Variants in SPTBN1 observed in about 807,000 individuals in gnomAD.
SPTBN1 encodes spectrin beta chain, non-erythrocytic 1.
In SPTBN1, 32 loss-of-function variants were observed where a neutral mutation model predicts 266.4. That is an observed-to-expected ratio of 0.12 (90% CI 0.09 to 0.16). The LOEUF (loss-of-function observed/expected upper bound fraction) is 0.16, where lower values mean the gene tolerates loss of function less well. Among genes scored for constraint, SPTBN1 ranks in the 10% least tolerant of loss-of-function variants. SPTBN1 has a pLI of 1.00. For synonymous variants in SPTBN1, 1,336 were observed against 1,162.2 expected (o/e 1.15, Z -3.04); for missense variants, 2,296 against 3,067.1 (o/e 0.75, Z 5.94).
chr2:54,594,337 A>T (rs972687280), intron 2 of SPTBN1, among the ~76,000 whole-genome samples: 2 of 152,224 alleles, frequency 1.3e-5, no homozygotes, highest in Non-Finnish European at 2.9e-5. Context: ...TGAAAAAAAA[A>T]TTAACAATAC....
intron 1 of SPTBN1, among the ~76,000 whole-genome samples, chr2:54,503,214 G>C (rs1391889570): frequency 6.6e-6 from 1 of 152,208 alleles, no homozygotes; most frequent in Non-Finnish European, 1.5e-5. Context: ...ATTATGCTCA[G>C]CTTTTTTGCA....
At chr2:54,530,810 G>A (rs951726363) in intron 2 of SPTBN1, among the ~76,000 whole-genome samples, 5 of 152,164 alleles carry the variant, frequency 3.3e-5, no homozygotes, top group African/African-American at 4.8e-5. Context: ...GGAGTCTGCC[G>A]AGTGATGGGA....
chr2:54,522,697 G>GAGAGAGAGAGAGAGAAGAGAAAGAA (rs1553439438), intron 1 of SPTBN1, among the ~76,000 whole-genome samples: 1 of 97,270 alleles, frequency 1.0e-5, no homozygotes, highest in Non-Finnish European at 2.1e-5. Flanking sequence ...GAGAGAGAGA[G>GAGAGAGAGAGAGAGAAGAGAAAGAA]AGAAAGAAAG....
chr2:54,624,676 G>C, intron 10 of SPTBN1, 128 bp from the exon 11 acceptor site: 1 of 1,378,586 alleles, frequency 7.3e-7, no homozygotes, highest in South Asian at 1.4e-5. Context: ...GTGAGAGTGG[G>C]AATGGGATTT....
At chr2:54,502,674 A>G (rs1298901298) in intron 1 of SPTBN1, among the ~76,000 whole-genome samples, 3 of 152,102 alleles carry the variant, frequency 2.0e-5, no homozygotes, top group Admixed American at 2.0e-4. Context: ...CCAAGGGCAA[A>G]CTCTGGCTTT....
intron 10 of SPTBN1, among the ~76,000 whole-genome samples, chr2:54,624,051 C>G (rs1678167069): frequency 6.6e-6 from 1 of 152,240 alleles, no homozygotes; most frequent in African/African-American, 2.4e-5. Context: ...TAGAAATTCA[C>G]AGCAGGCATT....
At chr2:54,621,115 A>G (rs963705083) in intron 7 of SPTBN1, among the ~76,000 whole-genome samples, 3 of 152,218 alleles carry the variant, frequency 2.0e-5, no homozygotes, top group Non-Finnish European at 4.4e-5. Context: ...GTAGGCAGCA[A>G]TGAGGACTCA....
At chr2:54,641,128 G>C (rs1679521527) in intron 18 of SPTBN1, among the ~76,000 whole-genome samples, 1 of 152,194 alleles carries the variant, frequency 6.6e-6, no homozygotes, top group South Asian at 2.1e-4. Context: ...AATGACCTTT[G>C]TAAATGCCCA....
chr2:54,467,881 A>G (rs1039861384), intron 1 of SPTBN1, among the ~76,000 whole-genome samples: 9 of 152,192 alleles, frequency 5.9e-5, no homozygotes, highest in African/African-American at 1.9e-4. Flanking sequence ...ACAAAATACA[A>G]AAGTATTTTT....
At chr2:54,534,041 T>A (rs1225507148) in intron 2 of SPTBN1, among the ~76,000 whole-genome samples, 1 of 152,230 alleles carries the variant, frequency 6.6e-6, no homozygotes, top group Non-Finnish European at 1.5e-5. Flanking sequence ...TCGTCGTGGC[T>A]GCTTCATTTT....
At chr2:54,588,564 C>G (rs1196490213) in intron 2 of SPTBN1, among the ~76,000 whole-genome samples, 1 of 152,168 alleles carries the variant, frequency 6.6e-6, no homozygotes, top group East Asian at 1.9e-4. Flanking sequence ...CAAAACCAGT[C>G]TGTGCCTCAG....
chr2:54,649,698 A>C lies in SPTBN1; in HGVS notation c.5286A>C (p.Ala1762=), dbSNP rs1423211357. ...QERVDTVNHL[A]DELINSGHSD... Reference sequence around the variant, plus strand: ...GCGTGGACACGGTCAATCACCTGGCAGATGAGCTCATCAACTCTGGACATT... The same window carrying C: ...GCGTGGACACGGTCAATCACCTGGCCGATGAGCTCATCAACTCTGGACATT... The change falls in exon 26 of 36, where the codon GCA becomes GCC. Residue 1762 remains alanine, a synonymous_variant. Coordinates refer to ENST00000356805, the MANE Select transcript of SPTBN1 (RefSeq NM_003128.3). The surrounding 1 kb of genome is among the most constrained non-coding windows in gnomAD (Gnocchi z 6.7). The C allele has an allele frequency of 1.9e-6, 3 of 1,614,072 alleles. No individual in the cohort carries two copies. The highest frequency in any genetic ancestry group is 2.5e-6 in the Non-Finnish European group (3 of 1,180,038).
intron 5 of SPTBN1, 29 bp from the exon 6 acceptor site, chr2:54,617,579 G>A: frequency 6.2e-7 from 1 of 1,610,490 alleles, no homozygotes. Context: ...TAATTGTGTT[G>A]CTTTTCCCTT....
intron 1 of SPTBN1, among the ~76,000 whole-genome samples, chr2:54,481,415 T>A (rs1000430585): frequency 3.3e-5 from 5 of 150,898 alleles, no homozygotes; most frequent in African/African-American, 1.2e-4. Flanking sequence ...TGTGTGTGTG[T>A]GTGTGTGTGT....
chr2:54,507,879 G>A (rs1245824904), intron 1 of SPTBN1, among the ~76,000 whole-genome samples: 2 of 150,144 alleles, frequency 1.3e-5, no homozygotes, highest in African/African-American at 2.5e-5. Flanking sequence ...GCAATTGTTT[G>A]TTAAAGAAGG....
Position 54,669,135 on chromosome 2 carries a change from C to G in SPTBN1, c.*566C>G. The G allele has an allele frequency of 6.5e-6, 1 of 153,388 alleles. No individual in the cohort carries two copies. The highest frequency in any genetic ancestry group is 1.9e-4 in the East Asian group (1 of 5,186). The allele number at this position is 153,388 out of a possible 1,614,324, so 9.5% of individuals were successfully genotyped here. On this transcript the variant is annotated 3_prime_UTR_variant, in exon 36 of 36. Transcript: ENST00000356805. ...ATTTGTATCTGGCATCACTTACTAA[C>G]ACACGACATGCGGCTTTTCTGCATC... is the stretch of plus-strand genomic sequence containing the variant.
chr2:54,615,857 C>T (rs919670045), intron 4 of SPTBN1, among the ~76,000 whole-genome samples: 37 of 152,186 alleles, frequency 2.4e-4, no homozygotes, highest in African/African-American at 7.5e-4. Flanking sequence ...ACAAAAAAAC[C>T]GAACTCAGTA....
At chr2:54,531,068 T>C (rs1671207955) in intron 2 of SPTBN1, among the ~76,000 whole-genome samples, 1 of 152,190 alleles carries the variant, frequency 6.6e-6, no homozygotes, top group East Asian at 1.9e-4. Flanking sequence ...CCTTGCCCTG[T>C]GCACTTTTCC....
At position 54,655,978 on chromosome 2, in the gene SPTBN1, G is replaced by A. The variant is rs762333666; in HGVS notation, c.6026G>A (p.Arg2009Gln). 1.2e-5 allele frequency: 20 copies of A among 1,613,000 alleles called. No individual in the cohort carries two copies. The highest frequency in any genetic ancestry group is 1.7e-5 in the Admixed American group (1 of 59,978). Residue 2009 changes from arginine to glutamine, a missense_variant, in exon 29 of 36, where the codon CGA becomes CAA. Arg to Gln is a conservative substitution (Grantham distance 43, BLOSUM62 1). This residue lies in a region of SPTBN1 where 644 missense variants were observed against 745.3 expected (regional missense o/e 0.86). Transcript: ENST00000356805. ...GAAATGATCGACAAGTGGGAAGACC[G>A]ATGGGAATGGTTAAGACTGAGTAAG... is the stretch of plus-strand genomic sequence containing the variant. ...RKEMIDKWED[R>Q]WEWLRLILEV...
Sources: allele counts gnomAD v4.1 joint callset (sites outside exome capture counted in the v4.1 genomes callset), GRCh38; gene constraint gnomAD v4.1.1; regional missense constraint gnomAD v4.1.1; non-coding constraint Gnocchi (gnomAD v3.1); transcripts MANE v1.5; gene names NCBI Gene and HGNC (gene_info 2026-07-23, HGNC 2026-07-21).